Variants in PUM2 observed in about 807,000 individuals in gnomAD.
PUM2 encodes pumilio RNA binding family member 2.
A neutral mutation model predicts 124.5 loss-of-function variants in PUM2; 57 were observed. The ratio of observed to expected loss-of-function variants is 0.46; its 90% CI spans 0.37 to 0.57. The LOEUF (loss-of-function observed/expected upper bound fraction) is 0.57, where lower values mean the gene tolerates loss of function less well. PUM2 is among the 20% of genes least tolerant of loss of function. The pLI is 0.00. For missense variants in PUM2, 1,065 were observed against 1,290.6 expected (o/e 0.83, Z 2.68); for synonymous variants, 460 against 446.1 (o/e 1.03, Z -0.39).
intron 2 of PUM2, among the ~76,000 whole-genome samples, chr2:20,323,447 CAAAA>C (rs1158061957): frequency 2.4e-5 from 2 of 84,852 alleles, no homozygotes; most frequent in Non-Finnish European, 2.3e-5. Context: ...GACTCCATCT[CAAAA>C]AAAAAAAAAA....
chr2:20,271,150 A>G (rs1668922451), intron 13 of PUM2, among the ~76,000 whole-genome samples: 1 of 152,168 alleles, frequency 6.6e-6, no homozygotes, highest in African/African-American at 2.4e-5. Context: ...GAACACAGAT[A>G]TTCAATATTG....
chr2:20,252,638 C>A (rs1663720200), intron 20 of PUM2, among the ~76,000 whole-genome samples: 1 of 151,942 alleles, frequency 6.6e-6, no homozygotes, highest in Admixed American at 6.6e-5. Context: ...TATAAGTTTT[C>A]CTGCTGCAAT....
intron 2 of PUM2, among the ~76,000 whole-genome samples, chr2:20,326,065 G>C (rs1355597279): frequency 6.6e-6 from 1 of 152,142 alleles, no homozygotes; most frequent in East Asian, 1.9e-4. Flanking sequence ...AAGAACAAAA[G>C]CCCTTTTCAT....
rs534926011 is a variant in PUM2 at position 20,269,189 on chromosome 2, T to TTAA, written c.1958-5732_1958-5730dup. Reference sequence around the variant, plus strand: ...CATGAGGTATAAACTGAATAAAATTTTAATAATAATAATAATTATTATTAT... The same window carrying TTAA: ...CATGAGGTATAAACTGAATAAAATTTTAATAATAATAATAATAATTATTATTAT... On this transcript the variant is annotated intron_variant, in intron 13 of 20. Transcript: ENST00000361078. Among the ~76,000 whole-genome samples, 406 of 151,822 alleles carry TTAA rather than the reference T, an allele frequency of 2.7e-3. 2 individuals carry two copies. Among genetic ancestry groups the TTAA allele is most frequent in the Admixed American group, 4.1e-3 (62 of 15,244 alleles).
At chr2:20,330,247 G>C (rs1046157542) in intron 1 of PUM2, among the ~76,000 whole-genome samples, 1 of 152,178 alleles carries the variant, frequency 6.6e-6, no homozygotes, top group Non-Finnish European at 1.5e-5. Context: ...TTAGAATAAA[G>C]GCTGAAAATG....
At chr2:20,322,791 A>C (rs1682683808) in intron 2 of PUM2, among the ~76,000 whole-genome samples, 1 of 152,174 alleles carries the variant, frequency 6.6e-6, no homozygotes, top group African/African-American at 2.4e-5. Flanking sequence ...CCACAGAGCA[A>C]GATCCTGCCT....
intron 3 of PUM2, among the ~76,000 whole-genome samples, chr2:20,315,970 C>G (rs888113697): frequency 9.9e-5 from 15 of 151,990 alleles, no homozygotes; most frequent in Admixed American, 6.6e-4. Flanking sequence ...ACCAAGCACA[C>G]ATGCTCTCAG....
intron 13 of PUM2, among the ~76,000 whole-genome samples, chr2:20,265,872 T>TA (rs1463948484): frequency 2.0e-5 from 3 of 151,418 alleles, no homozygotes; most frequent in African/African-American, 7.3e-5. Flanking sequence ...CAAACACCCT[T>TA]AATGCATTAA....
At position 20,248,748 on chromosome 2, in the gene PUM2, CAAT is replaced by C. The variant is rs1662577396; in HGVS notation, c.*2834_*2836del. The C allele has an allele frequency of 6.5e-6, 1 of 152,712 alleles. No homozygotes were observed. The highest frequency in any genetic ancestry group is 1.9e-4 in the East Asian group (1 of 5,188). The allele number at this position is 152,712 out of a possible 1,614,324, so 9.5% of individuals were successfully genotyped here. ...AACACAAGACCAGGTTTATTTCATA[CAAT>C]GTTATTCACACATTTTTCATTTTCT... On this transcript the variant is annotated 3_prime_UTR_variant, in exon 21 of 21. Transcript: ENST00000361078.
chr2:20,255,169 A>G (rs768647521), intron 18 of PUM2, 47 bp downstream of exon 18: 2 of 1,544,116 alleles, frequency 1.3e-6, no homozygotes, highest in Non-Finnish European at 1.8e-6. Flanking sequence ...AAATTAAAAC[A>G]ATTTCCAAAA....
At chr2:20,318,985 G>A (rs1386287189) in intron 2 of PUM2, among the ~76,000 whole-genome samples, 7 of 152,144 alleles carry the variant, frequency 4.6e-5, no homozygotes, top group Non-Finnish European at 8.8e-5. Flanking sequence ...AGGAATGACT[G>A]AACTTTTCCC....
chr2:20,327,323 C>T lies in PUM2; in HGVS notation c.38G>A (p.Arg13Gln), dbSNP rs577614644. The T allele has an allele frequency of 6.7e-5, 105 of 1,570,666 alleles. No individual in the cohort carries two copies. The Admixed American group carries it at 1.0e-3, about 16-fold the overall frequency. The change falls in exon 2 of 21, where the codon CGG (arginine) becomes CAG (glutamine). Residue 13 changes from arginine (R) to glutamine (Q), a missense_variant. Transcript: ENST00000361078. Reference protein sequence around the residue: ...HDFQALALESRGMGELLPTKK... With the variant: ...HDFQALALESQGMGELLPTKK... ...GCAAACATTTACCTCTCCCATTCCC[C>T]GAGATTCTAATGCAAGAGCTTGAAA... is the stretch of plus-strand genomic sequence containing the variant.
Position 20,254,925 on chromosome 2 carries a change from CTT to C in PUM2, c.2806_2807del (p.Lys936GlufsTer35), listed in dbSNP as rs765796647. 1.9e-6 allele frequency: 3 copies of C among 1,613,834 alleles called. No homozygotes were observed. The highest frequency in any genetic ancestry group is 1.3e-5 in the African/African-American group (1 of 74,918). ...HVLEHGRPEDKSKIVSEIRGK... is the reference protein window; with the variant it reads ...HVLEHGRPEDXSKIVSEIRGK... Reference sequence around the variant, plus strand: ...CCCTGATTTCGGAAACAATTTTGCTCTTGTCTTCAGGTCGACCGTGTTCCAGT... The same window carrying C: ...CCCTGATTTCGGAAACAATTTTGCTCGTCTTCAGGTCGACCGTGTTCCAGT... On this transcript the variant is annotated frameshift_variant, in exon 19 of 21. Transcript: ENST00000361078. LOFTEE classifies it high-confidence loss of function.
In PUM2 at chr2:20,263,227, T is replaced by C. The variant is rs1666719183; in HGVS notation, c.2191A>G (p.Ile731Val). 4 of 1,602,810 alleles carry C rather than the reference T, an allele frequency of 2.5e-6. No individual in the cohort carries two copies. The highest frequency in any genetic ancestry group is 1.1e-5 in the South Asian group (1 of 90,806). ...TGCTGGTCTTGAGAAAACTCAACTA[T>C]ATGTCCAATCAAGTCTCTAAGCTGA... ...NLQLRDLIGH[I>V]VEFSQDQHGS... The change falls in exon 14 of 21, where the codon ATA (isoleucine) becomes GTA (valine). Residue 731 changes from isoleucine (I) to valine (V), a missense_variant. This residue lies in a region of PUM2 where 968 missense variants were observed against 1,159.8 expected (regional missense o/e 0.83). Transcript: ENST00000361078.
intron 13 of PUM2, among the ~76,000 whole-genome samples, chr2:20,264,917 CT>C (rs1286868863): frequency 4.6e-5 from 7 of 152,194 alleles, no homozygotes; most frequent in Admixed American, 1.3e-4. Flanking sequence ...CCTAGCTTTA[CT>C]TTTTTTCATT....
chr2:20,267,026 C>CTTT (rs373222999), intron 13 of PUM2, among the ~76,000 whole-genome samples: 1 of 142,812 alleles, frequency 7.0e-6, no homozygotes. Flanking sequence ...ATGCCTGTAA[C>CTTT]TTTTTTTTTT....
intron 1 of PUM2, among the ~76,000 whole-genome samples, chr2:20,333,581 A>C (rs1432324352): frequency 6.6e-6 from 1 of 152,192 alleles, no homozygotes; most frequent in African/African-American, 2.4e-5. Context: ...GTAAAGAAGC[A>C]AGAAAATGCA....
chr2:20,294,501 G>A lies in PUM2; in HGVS notation c.1027C>T (p.Pro343Ser). 4.3e-6 allele frequency: 7 copies of A among 1,613,760 alleles called. No individual in the cohort carries two copies. Among genetic ancestry groups the A allele is most frequent in the Non-Finnish European group, 5.1e-6 (6 of 1,179,906 alleles). ...ATLAGPAVVP[P>S]QYYGVPWGVY... ...CCCCATGGAACGCCGTAATACTGAG[G>A]TGGAACCACTGCTGGACCTAAACCC... The change falls in exon 9 of 21, where the codon CCT becomes TCT. Residue 343 changes from proline (P) to serine (S), a missense_variant. This residue lies in a region of PUM2 where 968 missense variants were observed against 1,159.8 expected (regional missense o/e 0.83). Transcript: ENST00000361078.
chr2:20,258,893 T>G (rs1665500320), intron 15 of PUM2, among the ~76,000 whole-genome samples: 1 of 151,246 alleles, frequency 6.6e-6, no homozygotes, highest in South Asian at 2.1e-4. Context: ...GGTCTCGATC[T>G]CCTGACCTCA....
Sources: gnomAD v4.1 joint callset for allele counts (sites outside exome capture counted in the v4.1 genomes callset) on GRCh38, gnomAD v4.1.1 for gene constraint, gnomAD v4.1.1 regional missense constraint, MANE v1.5 for transcripts, NCBI Gene and HGNC (gene_info 2026-07-23, HGNC 2026-07-21) for gene names.